ATG5: variants seen among roughly 807,000 people sequenced by gnomAD.
ATG5 encodes autophagy related 5.
In ATG5, 14 loss-of-function variants were observed where a neutral mutation model predicts 36.5. That is an observed-to-expected ratio of 0.38 (90% confidence interval 0.25 to 0.60). The LOEUF (loss-of-function observed/expected upper bound fraction) is 0.60, where lower values mean the gene tolerates loss of function less well. Ranked by LOEUF, ATG5 falls within the 20% of genes least tolerant of loss-of-function variation. The pLI, the probability that ATG5 is intolerant of heterozygous loss-of-function variation, is 0.60. For synonymous variants in ATG5, 95 were observed against 101.5 expected, an observed-to-expected ratio of 0.94 and a Z score of 0.38; for missense variants, 195 against 326.7, an observed-to-expected ratio of 0.60 and a Z score of 3.11.
intron 3 of ATG5, among the ~76,000 whole-genome samples, chr6:106,307,575 T>G (rs892530282): frequency 6.7e-6 from 1 of 149,974 alleles, no homozygotes; most frequent in Non-Finnish European, 1.5e-5. Flanking sequence ...GTTTCACTCT[T>G]ATTGCCCAGG....
At chr6:106,206,574 C>T (rs146520493) in intron 6 of ATG5, among the ~76,000 whole-genome samples, 4 of 151,068 alleles carry the variant, frequency 2.6e-5, no homozygotes, top group African/African-American at 4.9e-5. Context: ...CACTTGAACC[C>T]AGAAGGCAGA....
At chr6:106,190,024 A>G (rs1775912440) in intron 7 of ATG5, among the ~76,000 whole-genome samples, 1 of 152,204 alleles carries the variant, frequency 6.6e-6, no homozygotes, top group African/African-American at 2.4e-5. Context: ...ACATAACTAC[A>G]GTATAGTTAT....
chr6:106,264,267 A>G (rs908652693), intron 5 of ATG5, among the ~76,000 whole-genome samples: 2 of 152,186 alleles, frequency 1.3e-5, no homozygotes, highest in African/African-American at 2.4e-5. Context: ...CAACTTACTG[A>G]AAAAAAGTAT....
At chr6:106,200,469 ACT>A (rs1776378384) in intron 7 of ATG5, among the ~76,000 whole-genome samples, 1 of 151,060 alleles carries the variant, frequency 6.6e-6, no homozygotes, top group Non-Finnish European at 1.5e-5. Flanking sequence ...AATAAATACA[ACT>A]CTGCAATTTT....
intron 3 of ATG5, among the ~76,000 whole-genome samples, chr6:106,295,167 T>G (rs1445979160): frequency 6.6e-6 from 1 of 152,184 alleles, no homozygotes; most frequent in African/African-American, 2.4e-5. Flanking sequence ...GAACAAGCTC[T>G]AAATAATACC....
At chr6:106,267,189 T>C (rs1050159067) in intron 5 of ATG5, among the ~76,000 whole-genome samples, 1 of 152,164 alleles carries the variant, frequency 6.6e-6, no homozygotes, top group Non-Finnish European at 1.5e-5. Flanking sequence ...AGCATTCCTA[T>C]ACACCAACAG....
At chr6:106,236,644 T>C (rs1032501522) in intron 6 of ATG5, among the ~76,000 whole-genome samples, 14 of 152,236 alleles carry the variant, frequency 9.2e-5, no homozygotes, top group Non-Finnish European at 1.9e-4. Context: ...TTTTGTGAAA[T>C]AGTTAACTTA....
intron 6 of ATG5, among the ~76,000 whole-genome samples, chr6:106,206,786 A>G (rs1398193189): frequency 2.0e-5 from 3 of 152,226 alleles, no homozygotes; most frequent in African/African-American, 7.2e-5. Context: ...CTTAAGGGCA[A>G]TGGGAATGGA....
intron 6 of ATG5, among the ~76,000 whole-genome samples, chr6:106,246,151 T>C (rs1191924411): frequency 6.6e-6 from 1 of 152,204 alleles, no homozygotes; most frequent in Non-Finnish European, 1.5e-5. Flanking sequence ...GAAAGTTATG[T>C]AGGTCAAATG....
intron 4 of ATG5, among the ~76,000 whole-genome samples, chr6:106,280,998 A>T (rs993778845): frequency 2.0e-5 from 3 of 152,150 alleles, no homozygotes; most frequent in Admixed American, 6.5e-5. Flanking sequence ...AATGGCAAAA[A>T]AACAGCATTT....
At chr6:106,212,631 G>A (rs1339888075) in intron 6 of ATG5, among the ~76,000 whole-genome samples, 3 of 152,166 alleles carry the variant, frequency 2.0e-5, no homozygotes, top group South Asian at 2.1e-4. Context: ...AGCCCAGAGC[G>A]AGACTCCGTA....
chr6:106,240,254 T>A (rs908278171), intron 6 of ATG5, among the ~76,000 whole-genome samples: 1 of 150,626 alleles, frequency 6.6e-6, no homozygotes, highest in Non-Finnish European at 1.5e-5. Flanking sequence ...ATCATAAAAA[T>A]CAAGATGAAT....
intron 3 of ATG5, among the ~76,000 whole-genome samples, chr6:106,301,645 C>G (rs772342041): frequency 1.3e-4 from 19 of 151,870 alleles, no homozygotes; most frequent in Non-Finnish European, 1.8e-4. Context: ...AAATCTGAAC[C>G]TTTTTTAACA....
chr6:106,258,383 A>G (rs1351669138), intron 5 of ATG5, among the ~76,000 whole-genome samples: 1 of 152,114 alleles, frequency 6.6e-6, no homozygotes, highest in Non-Finnish European at 1.5e-5. Context: ...ATAAAAAAAA[A>G]AGGCTAGTCA....
rs1350271293 is a variant in ATG5 at position 106,279,653 on chromosome 6, A to T, written c.478+8T>A. 1.0e-5 allele frequency: 16 copies of T among 1,569,380 alleles called. No homozygotes were observed. Among genetic ancestry groups the T allele is most frequent in the Non-Finnish European group, 1.3e-5 (15 of 1,156,362 alleles). On this transcript the variant is annotated splice_region_variant and intron_variant, in intron 5 of 7. Coordinates refer to ENST00000369076, the MANE Select transcript of ATG5 (RefSeq NM_004849.4). ...TGGTATTCTAAAATTAAACACTATTATACTTACCATTTTGCAATCCCATCC... is the reference window on the plus strand; with the variant it reads ...TGGTATTCTAAAATTAAACACTATTTTACTTACCATTTTGCAATCCCATCC...
chr6:106,321,655 G>C (rs1365679592), intron 1 of ATG5, among the ~76,000 whole-genome samples: 1 of 152,164 alleles, frequency 6.6e-6, no homozygotes, highest in African/African-American at 2.4e-5. Flanking sequence ...ACCGCGCCTG[G>C]CCAACTCTTA....
chr6:106,251,402 T>C lies in ATG5; in HGVS notation c.479-3158A>G, dbSNP rs116724533. Among the ~76,000 whole-genome samples the C allele has an allele frequency of 7.4e-3, 1,123 of 151,920 alleles. 14 individuals are homozygous for C. Among genetic ancestry groups the C allele is most frequent in the African/African-American group, 0.026 (1,062 of 41,440 alleles). ...CCTCTCTCAGCCCTAAGGTAAAATA[T>C]ATAGTTTTCTTATATTTTATAGACA... On this transcript the variant is annotated intron_variant, in intron 5 of 7. Coordinates refer to ENST00000369076, the MANE Select transcript of ATG5 (RefSeq NM_004849.4).
At position 106,299,874 on chromosome 6, in the gene ATG5, T is replaced by C. The variant is rs539627520; in HGVS notation, c.237-6768A>G. On this transcript the variant is annotated intron_variant, in intron 3 of 7. Coordinates refer to ENST00000369076, the MANE Select transcript of ATG5 (RefSeq NM_004849.4). The stretch of plus-strand genomic sequence containing the variant: ...ATGTCACTAAAATAAATGCCTCCTA[T>C]TCGGAAAGTTGCTGCATTCTGATTC... Among the ~76,000 whole-genome samples, 8 of 152,312 alleles carry C rather than the reference T, an allele frequency of 5.3e-5. No homozygotes were observed. In the East Asian group the frequency reaches 1.3e-3, roughly 26 times the overall value.
chr6:106,263,060 A>G (rs1290662359), intron 5 of ATG5, among the ~76,000 whole-genome samples: 1 of 152,066 alleles, frequency 6.6e-6, no homozygotes, highest in African/African-American at 2.4e-5. Context: ...AGTGGGTCCC[A>G]CTCCTACGGA....
Sources: gnomAD v4.1 joint callset for allele counts (sites outside exome capture counted in the v4.1 genomes callset) on GRCh38, gnomAD v4.1.1 for gene constraint, MANE v1.5 for transcripts, NCBI Gene and HGNC (gene_info 2026-07-23, HGNC 2026-07-21) for gene names.